Variants in PLD1 observed in about 807,000 individuals in gnomAD.
The protein encoded by PLD1 is phospholipase D1, also known as choline phosphatase 1.
In PLD1, 112 loss-of-function variants were observed where a neutral mutation model predicts 137.1. The ratio of observed to expected loss-of-function variants is 0.82; its 90% CI spans 0.70 to 0.96. The LOEUF is 0.96. Among genes scored for constraint, PLD1 ranks in the 40% least tolerant of loss-of-function variants. The pLI is 0.00. For synonymous variants in PLD1, 431 were observed against 454.7 expected, an observed-to-expected ratio of 0.95 and a Z score of 0.66; for missense variants, 1,321 against 1,342.0, an observed-to-expected ratio of 0.98 and a Z score of 0.24.
chr3:171,710,497 T>A (rs993887198), intron 9 of PLD1, among the ~76,000 whole-genome samples: 1 of 152,182 alleles, frequency 6.6e-6, no homozygotes, highest in South Asian at 2.1e-4. Flanking sequence ...CCCGCGCATG[T>A]GCAATCCACA....
intron 19 of PLD1, among the ~76,000 whole-genome samples, chr3:171,673,626 T>A (rs10936697): frequency 0.23 from 35,302 of 152,024 alleles, 4,364 homozygotes; most frequent in Admixed American, 0.3. Flanking sequence ...TTATTTCTTA[T>A]ATACACATAC....
intron 6 of PLD1, among the ~76,000 whole-genome samples, chr3:171,727,454 A>G (rs9831491): frequency 0.36 from 54,884 of 152,114 alleles, 11,025 homozygotes; most frequent in African/African-American, 0.52. Context: ...TCAACATTAC[A>G]TAATGTTTAG....
chr3:171,651,498 ACATGAAAGAACTGGCTAAAAT>A (rs1317725433), intron 21 of PLD1, among the ~76,000 whole-genome samples: 1 of 152,216 alleles, frequency 6.6e-6, no homozygotes, highest in Non-Finnish European at 1.5e-5. Flanking sequence ...CCTCATCTGC[ACATGAAAGAACTGGCTAAAAT>A]CATGACTAGT....
chr3:171,677,544 ACCC>A lies in PLD1; in HGVS notation c.1996+19_1996+21del. The A allele has an allele frequency of 6.2e-7, 1 of 1,610,272 alleles. No individual in the cohort carries two copies. The highest frequency in any genetic ancestry group is 1.3e-5 in the African/African-American group (1 of 74,990). On this transcript the variant is annotated intron_variant, in intron 17 of 26. Coordinates refer to ENST00000351298, the MANE Select transcript of PLD1 (RefSeq NM_002662.5). ...AGGTAAAAGACAAAATATAACCAGC[ACCC>A]CACCATTATGATACTCACCAGCAAA...
rs1578380983 is a variant in PLD1, at chr3:171,735,432, A to T, written c.434+60T>A. ...ATTACAGGTGTGAGCTACCACACCC[A>T]GACAAAATACACTTTCCATTCAACT... On this transcript the variant is annotated intron_variant, in intron 4 of 26. Transcript: ENST00000351298. 4 of 1,447,738 alleles carry T rather than the reference A, an allele frequency of 2.8e-6. No individual in the cohort carries two copies. In the Middle Eastern group the frequency reaches 5.2e-4, roughly 190 times the overall value. 89.7% of individuals were successfully genotyped at this position (1,447,738 alleles called of 1,614,324 possible). A position where few individuals can be genotyped will look rare whatever the true frequency, so the allele number is the denominator to read the frequency against.
intron 1 of PLD1, among the ~76,000 whole-genome samples, chr3:171,802,381 T>C (rs1346700156): frequency 2.0e-5 from 3 of 152,148 alleles, no homozygotes; most frequent in South Asian, 2.1e-4. Context: ...GACTGTGAAG[T>C]GAGGCAGCTT....
In PLD1 at chr3:171,677,562, T is replaced by C. The variant is rs762668808; in HGVS notation, c.1996+4A>G. On this transcript the variant is annotated splice_donor_region_variant and intron_variant, in intron 17 of 26. Coordinates refer to ENST00000351298, the MANE Select transcript of PLD1 (RefSeq NM_002662.5). ...AACCAGCACCCCACCATTATGATACTCACCAGCAAAAGGTTTATCAAGTTG... is the reference window on the plus strand; with the variant it reads ...AACCAGCACCCCACCATTATGATACCCACCAGCAAAAGGTTTATCAAGTTG... 28 of 1,613,236 alleles carry C rather than the reference T, an allele frequency of 1.7e-5. No individual in the cohort carries two copies. In the African/African-American group the frequency reaches 3.2e-4, roughly 18 times the overall value.
chr3:171,614,086 C>CT (rs997455047), intron 24 of PLD1, among the ~76,000 whole-genome samples: 128 of 152,282 alleles, frequency 8.4e-4, no homozygotes, highest in African/African-American at 3.0e-3. Flanking sequence ...CCTGAAGAGA[C>CT]TTTACTGCCT....
intron 1 of PLD1, among the ~76,000 whole-genome samples, chr3:171,761,160 T>A (rs1412119665): frequency 6.6e-6 from 1 of 152,124 alleles, no homozygotes; most frequent in Non-Finnish European, 1.5e-5. Context: ...GAATTTTGGA[T>A]CAGCCAACAT....
At chr3:171,684,145 T>C (rs1714308149) in intron 16 of PLD1, among the ~76,000 whole-genome samples, 1 of 152,164 alleles carries the variant, frequency 6.6e-6, no homozygotes. Context: ...ACTGTGGATA[T>C]CACCTCTGTC....
At chr3:171,712,313 C>A (rs569210895) in intron 9 of PLD1, among the ~76,000 whole-genome samples, 1 of 152,072 alleles carries the variant, frequency 6.6e-6, no homozygotes, top group Non-Finnish European at 1.5e-5. Context: ...GGGATGGAGA[C>A]GAGAGGGCAC....
At chr3:171,704,804 C>T (rs1022354138) in intron 11 of PLD1, among the ~76,000 whole-genome samples, 12 of 152,128 alleles carry the variant, frequency 7.9e-5, no homozygotes, top group African/African-American at 2.7e-4. Flanking sequence ...CACCAGAAAC[C>T]GGATTCATGG....
chr3:171,632,405 C>T (rs1734743069), intron 23 of PLD1, among the ~76,000 whole-genome samples: 1 of 152,070 alleles, frequency 6.6e-6, no homozygotes. Context: ...AAGTACATTC[C>T]TAAGACAACT....
chr3:171,649,666 C>A (rs930067678), intron 21 of PLD1, among the ~76,000 whole-genome samples: 2 of 152,154 alleles, frequency 1.3e-5, no homozygotes, highest in Non-Finnish European at 2.9e-5. Context: ...GGGCACTAAG[C>A]CCCGGATAAC....
chr3:171,620,781 T>TATATATATATA (rs1733571226), intron 23 of PLD1, among the ~76,000 whole-genome samples: 3 of 127,414 alleles, frequency 2.4e-5, no homozygotes, highest in Admixed American at 7.5e-5. Flanking sequence ...ATATATATTT[T>TATATATATATA]TTTTTTAATT....
intron 1 of PLD1, chr3:171,792,455 A>G (rs1350050206): frequency 2.4e-5 from 9 of 381,020 alleles, no homozygotes; most frequent in South Asian, 1.8e-4. Context: ...GCCCCTGGCC[A>G]TCCATCAGGC....
chr3:171,781,244 A>T (rs199852699), intron 1 of PLD1, among the ~76,000 whole-genome samples: 3 of 4,220 alleles, frequency 7.1e-4, no homozygotes, highest in Non-Finnish European at 2.2e-3. Context: ...AAATGATGGT[A>T]AAAAAAAAAA....
At chr3:171,643,615 G>A (rs1255809256) in intron 22 of PLD1, among the ~76,000 whole-genome samples, 1 of 151,942 alleles carries the variant, frequency 6.6e-6, no homozygotes, top group Non-Finnish European at 1.5e-5. Flanking sequence ...CATTCAGCTG[G>A]TTCGAAGGCA....
intron 12 of PLD1, among the ~76,000 whole-genome samples, chr3:171,695,613 T>A (rs1715613413): frequency 6.6e-6 from 1 of 152,162 alleles, no homozygotes; most frequent in African/African-American, 2.4e-5. Flanking sequence ...AAAAGAAAAT[T>A]TTTATAGTGG....
Sources: allele counts gnomAD v4.1 joint callset (sites outside exome capture counted in the v4.1 genomes callset), GRCh38; gene constraint gnomAD v4.1.1; transcripts MANE v1.5; gene names NCBI Gene and HGNC (gene_info 2026-07-23, HGNC 2026-07-21).